The following EMB variants were observed in gnomAD, a reference collection of about 807,000 sequenced individuals.
EMB encodes embigin homolog.
Under a neutral mutation model 41.4 loss-of-function variants are expected in EMB, and 31 were observed. That is an observed-to-expected ratio of 0.75 (90% CI 0.56 to 1.01). The LOEUF is 1.01. Ranked by LOEUF, EMB falls within the 50% of genes least tolerant of loss-of-function variation. EMB has a pLI of 0.00. For missense variants in EMB, 379 were observed against 388.3 expected, an observed-to-expected ratio of 0.98 and a Z score of 0.20; for synonymous variants, 137 against 140.4, an observed-to-expected ratio of 0.98 and a Z score of 0.17.
At chr5:50,420,875 G>A (rs1319883675) in intron 2 of EMB, among the ~76,000 whole-genome samples, 2 of 152,130 alleles carry the variant, frequency 1.3e-5, no homozygotes. Flanking sequence ...ATTCTAGGTG[G>A]AAAGTACTTT....
At chr5:50,427,153 C>T (rs1745624982) in intron 2 of EMB, among the ~76,000 whole-genome samples, 1 of 152,124 alleles carries the variant, frequency 6.6e-6, no homozygotes, top group Admixed American at 6.6e-5. Context: ...CTAATAAAAC[C>T]TCTAAACTTC....
At position 50,422,213 on chromosome 5, in the gene EMB, C is replaced by T. The variant is rs1745536407; in HGVS notation, c.196+5931G>A. Among the ~76,000 whole-genome samples, 3 of 152,116 alleles carry T rather than the reference C, an allele frequency of 2.0e-5. No homozygotes were observed. In the South Asian group the frequency reaches 6.2e-4, roughly 32 times the overall value. Reference sequence around the variant, plus strand: ...TAGGCAAAACTTTTTAGACTGCAAGCAAAAATCTATTAGTGAATCAGGAAA... The same window carrying T: ...TAGGCAAAACTTTTTAGACTGCAAGTAAAAATCTATTAGTGAATCAGGAAA... On this transcript the variant is annotated intron_variant, in intron 2 of 8. Transcript: ENST00000303221.
intron 2 of EMB, among the ~76,000 whole-genome samples, chr5:50,424,390 G>A (rs564556912): frequency 9.9e-5 from 15 of 152,142 alleles, no homozygotes; most frequent in East Asian, 1.9e-4. Context: ...GAACATATGC[G>A]CTTCTCTGAT....
intron 1 of EMB, among the ~76,000 whole-genome samples, chr5:50,438,562 G>T (rs1302750399): frequency 6.6e-6 from 1 of 152,152 alleles, no homozygotes; most frequent in Non-Finnish European, 1.5e-5. Flanking sequence ...TTGACTCAAA[G>T]TCTTAGGTTA....
chr5:50,411,608 C>A (rs1275644788), intron 2 of EMB: 4 of 360,772 alleles, frequency 1.1e-5, no homozygotes, highest in Non-Finnish European at 2.0e-5. Flanking sequence ...TAAAAAAAAC[C>A]TAAAGCTGTG....
chr5:50,437,142 A>G (rs1330713218), intron 1 of EMB, among the ~76,000 whole-genome samples: 1 of 152,056 alleles, frequency 6.6e-6, no homozygotes, highest in Admixed American at 6.5e-5. Flanking sequence ...GTGGTGGCAT[A>G]TGCCTGTAGT....
intron 2 of EMB, among the ~76,000 whole-genome samples, chr5:50,419,652 C>T (rs1231595157): frequency 6.6e-6 from 1 of 152,066 alleles, no homozygotes; most frequent in African/African-American, 2.4e-5. Flanking sequence ...CAAGATTGGC[C>T]TCTTCATCCC....
intron 2 of EMB, among the ~76,000 whole-genome samples, chr5:50,420,386 T>C (rs1205128955): frequency 6.6e-6 from 1 of 152,226 alleles, no homozygotes; most frequent in Non-Finnish European, 1.5e-5. Flanking sequence ...CAATGGTTTA[T>C]GTCTCATGGT....
upstream of EMB, among the ~76,000 whole-genome samples, chr5:50,441,530 AGACT>A (rs991999429): frequency 2.0e-5 from 3 of 152,200 alleles, no homozygotes; most frequent in Non-Finnish European, 4.4e-5. Context: ...CTCTGCCTAC[AGACT>A]GGCCTTTGCA....
At position 50,430,196 on chromosome 5, in the gene EMB, G is replaced by A. The variant is rs188656167; in HGVS notation, c.113-1969C>T. Among the ~76,000 whole-genome samples the A allele has an allele frequency of 5.9e-5, 9 of 152,236 alleles. No individual in the cohort carries two copies. In the East Asian group the frequency reaches 1.3e-3, roughly 23 times the overall value. On this transcript the variant is annotated intron_variant, in intron 1 of 8. Transcript: ENST00000303221. ...TTCACTTATGGACAGGAAGCCAGGC[G>A]GGGGTGGATGAGAAGGAAACCGCTA...
At chr5:50,410,843 GTTA>G (rs761710941) in intron 4 of EMB, 31 bp downstream of exon 4, 77 of 1,267,914 alleles carry the variant, frequency 6.1e-5, no homozygotes, top group Non-Finnish European at 8.0e-5. Context: ...TAATGCTGAA[GTTA>G]TTAACTATTC....
At position 50,428,230 on chromosome 5, in the gene EMB, A is replaced by G. The variant is rs374465718; in HGVS notation, c.113-3T>C. ...AGGTGGACTTGTAAAAGGCGAATCT[A>G]TAAGAGAAAGAACACATGATTACAC... On this transcript the variant is annotated splice_region_variant and splice_polypyrimidine_tract_variant and intron_variant, in intron 1 of 8. Transcript: ENST00000303221. 23 of 1,603,358 alleles carry G rather than the reference A, an allele frequency of 1.4e-5. No individual in the cohort carries two copies. The highest frequency in any genetic ancestry group is 1.7e-5 in the Non-Finnish European group (20 of 1,171,072).
intron 1 of EMB, chr5:50,428,484 C>T (rs1484663744): frequency 2.7e-6 from 3 of 1,109,084 alleles, no homozygotes; most frequent in East Asian, 5.3e-5. Context: ...TTAAATAACG[C>T]CTTCCATTTT....
intron 2 of EMB, among the ~76,000 whole-genome samples, chr5:50,417,835 C>A (rs1045680232): frequency 5.3e-5 from 8 of 152,004 alleles, no homozygotes; most frequent in African/African-American, 1.9e-4. Flanking sequence ...ACAAATGAAG[C>A]CAGGTTTTCC....
intron 2 of EMB, among the ~76,000 whole-genome samples, chr5:50,421,666 C>T (rs1745526315): frequency 6.6e-6 from 1 of 151,648 alleles, no homozygotes; most frequent in African/African-American, 2.4e-5. Context: ...CAATGATAGA[C>T]TGGATTAAGA....
intron 3 of EMB, 85 bp from the exon 4 acceptor site, chr5:50,411,050 A>T: frequency 4.9e-6 from 6 of 1,224,326 alleles, no homozygotes; most frequent in Non-Finnish European, 6.7e-6. Context: ...ATAAAAATTT[A>T]AAAAGAGAAA....
At chr5:50,424,385 T>C (rs1290318021) in intron 2 of EMB, among the ~76,000 whole-genome samples, 1 of 152,148 alleles carries the variant, frequency 6.6e-6, no homozygotes, top group Non-Finnish European at 1.5e-5. Flanking sequence ...AGCAGGAACA[T>C]ATGCGCTTCT....
rs1745117516 is a variant in EMB, at chr5:50,399,141, T to TGCTGA, written c.*127_*131dup. 7.9e-7 allele frequency: 1 copy of TGCTGA among 1,268,422 alleles called. No individual in the cohort carries two copies. Among genetic ancestry groups the TGCTGA allele is most frequent in the Non-Finnish European group, 1.1e-6 (1 of 935,486 alleles). 78.6% of individuals were successfully genotyped at this position (1,268,422 alleles called of 1,614,324 possible). A position where few individuals can be genotyped will look rare whatever the true frequency, so the allele number is the denominator to read the frequency against. ...TGACATATATCGTTGATGAAGCTCC[T>TGCTGA]GCTGAGCATGTTGCATAAGCTTTTC... On this transcript the variant is annotated 3_prime_UTR_variant, in exon 9 of 9. Coordinates refer to ENST00000303221, the MANE Select transcript of EMB (RefSeq NM_198449.3).
intron 4 of EMB, among the ~76,000 whole-genome samples, chr5:50,408,906 T>C (rs1193474182): frequency 6.6e-6 from 1 of 152,108 alleles, no homozygotes; most frequent in Non-Finnish European, 1.5e-5. Flanking sequence ...AGGGAATTTT[T>C]ATTTTACCAA....
Sources: gnomAD v4.1 joint callset for allele counts (sites outside exome capture counted in the v4.1 genomes callset) on GRCh38, gnomAD v4.1.1 for gene constraint, MANE v1.5 for transcripts, NCBI Gene and HGNC (gene_info 2026-07-23, HGNC 2026-07-21) for gene names.